THRB: variants seen among roughly 807,000 people sequenced by gnomAD.
The protein encoded by THRB is nuclear receptor subfamily 1 group A member 2.
Under a neutral mutation model 47.8 loss-of-function variants are expected in THRB, and 12 were observed. The observed-to-expected ratio is 0.25, with a 90% CI of 0.16 to 0.41. The LOEUF (loss-of-function observed/expected upper bound fraction) is 0.41, where lower values mean the gene tolerates loss of function less well. Among genes scored for constraint, THRB ranks in the 10% least tolerant of loss-of-function variants. The pLI is 1.00. For missense variants in THRB, 348 were observed against 589.2 expected (o/e 0.59, Z 4.24); for synonymous variants, 218 against 212.2 (o/e 1.03, Z -0.24).
chr3:24,269,481 A>G (rs1221356568), intron 3 of THRB, among the ~76,000 whole-genome samples: 4 of 151,718 alleles, frequency 2.6e-5, no homozygotes, highest in Non-Finnish European at 5.9e-5. Flanking sequence ...CTGGAGTGCA[A>G]TGACACCCAT....
intron 1 of THRB, among the ~76,000 whole-genome samples, chr3:24,455,964 CA>C (rs1219788874): frequency 6.6e-6 from 1 of 152,176 alleles, no homozygotes; most frequent in African/African-American, 2.4e-5. Context: ...AATTTCTCTG[CA>C]AACTATTATC....
At chr3:24,257,719 C>T (rs1470376586) in intron 3 of THRB, among the ~76,000 whole-genome samples, 1 of 152,236 alleles carries the variant, frequency 6.6e-6, no homozygotes, top group Non-Finnish European at 1.5e-5. Flanking sequence ...AGGCAGTGGG[C>T]ACTTTCCACA....
intron 2 of THRB, among the ~76,000 whole-genome samples, chr3:24,298,975 C>T (rs1187018197): frequency 2.6e-5 from 4 of 151,764 alleles, no homozygotes; most frequent in East Asian, 1.9e-4. Context: ...AGGCCGGGCG[C>T]GGTGGCTCAT....
chr3:24,449,839 G>A (rs2072470210), intron 1 of THRB, among the ~76,000 whole-genome samples: 1 of 152,108 alleles, frequency 6.6e-6, no homozygotes, highest in African/African-American at 2.4e-5. Context: ...ATAATAGGAC[G>A]CTAAAAAAGA....
At position 24,194,732 on chromosome 3, in the gene THRB, A is replaced by G. The variant is rs111475640; in HGVS notation, c.23-4398T>C. Among the ~76,000 whole-genome samples the G allele has an allele frequency of 6.0e-3, 919 of 152,344 alleles. 2 individuals carry two copies. Among genetic ancestry groups the G allele is most frequent in the Middle Eastern group, 0.014 (4 of 294 alleles). On this transcript the variant is annotated intron_variant, in intron 4 of 10. Coordinates refer to ENST00000646209, the MANE Select transcript of THRB (RefSeq NM_001354712.2). Reference sequence around the variant, plus strand: ...ATAACTACTTACATCCTATCTCTGGATATTTCATTAAAGATGATAGAAAAT... The same window carrying G: ...ATAACTACTTACATCCTATCTCTGGGTATTTCATTAAAGATGATAGAAAAT...
At chr3:24,225,395 A>C (rs552332654) in intron 4 of THRB, among the ~76,000 whole-genome samples, 1 of 152,348 alleles carries the variant, frequency 6.6e-6, no homozygotes, top group Admixed American at 6.5e-5. Context: ...GTCACAAAGA[A>C]GTCCAAGTTA....
intron 4 of THRB, among the ~76,000 whole-genome samples, chr3:24,215,976 A>G (rs1413643607): frequency 6.6e-6 from 1 of 152,266 alleles, no homozygotes; most frequent in Non-Finnish European, 1.5e-5. Flanking sequence ...AGCATGAGTT[A>G]GAAATAAAAT....
chr3:24,133,462 G>C lies in THRB; in HGVS notation c.739C>G (p.Pro247Ala). ...SHWKQKRKFL[P>A]EDIGQAPIVN... ...ATTGGTGCTTGTCCAATGTCTTCTG[G>C]CTAAGGAGGAGAAAAAAGAAAGATT... Residue 247 changes from proline to alanine, a missense_variant and splice_region_variant, in exon 9 of 11, where the codon CCA becomes GCA. This residue lies in a region of THRB where 112 missense variants were observed against 212.3 expected (regional missense o/e 0.53). Transcript: ENST00000646209. 6.2e-7 allele frequency: 1 copy of C among 1,613,920 alleles called. No homozygotes were observed. The highest frequency in any genetic ancestry group is 8.5e-7 in the Non-Finnish European group (1 of 1,179,856).
At chr3:24,265,866 G>A (rs1042650534) in intron 3 of THRB, among the ~76,000 whole-genome samples, 10 of 152,116 alleles carry the variant, frequency 6.6e-5, no homozygotes, top group African/African-American at 2.4e-4. Context: ...AAATAAAAAT[G>A]ATATATGAAG....
intron 1 of THRB, among the ~76,000 whole-genome samples, chr3:24,365,473 G>C (rs113904214): frequency 1.3e-4 from 20 of 152,294 alleles, no homozygotes; most frequent in Admixed American, 1.2e-3. Flanking sequence ...GCTTTATAAG[G>C]TCCCCGGGCA....
chr3:24,149,633 C>G (rs115546390), intron 6 of THRB, among the ~76,000 whole-genome samples: 432 of 152,298 alleles, frequency 2.8e-3, no homozygotes, highest in African/African-American at 0.01. Flanking sequence ...ACTTCATGGA[C>G]CAAATCCTTT....
At chr3:24,377,098 T>A (rs569282228) in intron 1 of THRB, among the ~76,000 whole-genome samples, 53 of 152,106 alleles carry the variant, frequency 3.5e-4, no homozygotes, top group African/African-American at 1.2e-3. Flanking sequence ...CCACCACACT[T>A]TGCTAATTTA....
At chr3:24,168,740 A>C (rs1055160186) in intron 5 of THRB, among the ~76,000 whole-genome samples, 1 of 151,656 alleles carries the variant, frequency 6.6e-6, no homozygotes, top group South Asian at 2.1e-4. Context: ...CTTAGTTCTT[A>C]GCAATTTACC....
At chr3:24,194,489 A>G (rs927899158) in intron 4 of THRB, among the ~76,000 whole-genome samples, 6 of 152,198 alleles carry the variant, frequency 3.9e-5, no homozygotes, top group Non-Finnish European at 7.3e-5. Context: ...ACAATTAATC[A>G]ATTTAATTAG....
At chr3:24,335,319 T>C (rs1486570284) in intron 2 of THRB, among the ~76,000 whole-genome samples, 1 of 152,196 alleles carries the variant, frequency 6.6e-6, no homozygotes, top group Non-Finnish European at 1.5e-5. Context: ...TTGAGAGTTT[T>C]TTCCTTCTGG....
At chr3:24,158,432 T>G (rs927628818) in intron 5 of THRB, among the ~76,000 whole-genome samples, 11 of 80,428 alleles carry the variant, frequency 1.4e-4, no homozygotes, top group African/African-American at 7.2e-4. Flanking sequence ...TTTTTTTTTT[T>G]TGGGGGGAGG....
chr3:24,127,830 A>T (rs984371866), intron 9 of THRB, 73 bp from the exon 10 acceptor site: 2 of 1,506,916 alleles, frequency 1.3e-6, no homozygotes, highest in Admixed American at 1.7e-5. Context: ...ACAGTATCTT[A>T]AAAGCAATAG....
chr3:24,484,524 C>A (rs944720086), intron 1 of THRB, among the ~76,000 whole-genome samples: 2 of 152,076 alleles, frequency 1.3e-5, no homozygotes, highest in African/African-American at 4.8e-5. Flanking sequence ...CTTAACCTTA[C>A]TGGTTGCTTT....
intron 5 of THRB, among the ~76,000 whole-genome samples, chr3:24,184,367 G>A (rs2042297492): frequency 6.6e-6 from 1 of 152,192 alleles, no homozygotes; most frequent in Admixed American, 6.5e-5. Context: ...GGGTACGTCT[G>A]CATCCTTTGG....
Sources: allele counts gnomAD v4.1 joint callset (sites outside exome capture counted in the v4.1 genomes callset), GRCh38; gene constraint gnomAD v4.1.1; regional missense constraint gnomAD v4.1.1; transcripts MANE v1.5; gene names NCBI Gene and HGNC (gene_info 2026-07-23, HGNC 2026-07-21).